Variants in DAG1 observed in about 807,000 individuals in gnomAD.
DAG1 encodes dystroglycan 1, also known as dystroglycan 1 (dystrophin-associated glycoprotein 1).
DAG1 carries 8 observed loss-of-function variants against 46.1 expected under a neutral mutation model. That is an observed-to-expected ratio of 0.17 (90% CI 0.10 to 0.31). DAG1 has a LOEUF of 0.31. Ranked by LOEUF, DAG1 falls within the 10% of genes least tolerant of loss-of-function variation. DAG1 has a pLI of 1.00. For missense variants in DAG1, 1,003 were observed against 1,189.9 expected, an observed-to-expected ratio of 0.84 and a Z score of 2.31; for synonymous variants, 495 against 481.8, an observed-to-expected ratio of 1.03 and a Z score of -0.36.
chr3:49,510,881 G>A, intron 2 of DAG1, 62 bp downstream of exon 2: 1 of 1,589,846 alleles, frequency 6.3e-7, no homozygotes, highest in South Asian at 1.1e-5. Context: ...AGTTTTGGTG[G>A]CTTTTCCTTT....
intron 2 of DAG1, among the ~76,000 whole-genome samples, chr3:49,513,637 G>A (rs748563727): frequency 6.6e-6 from 1 of 152,044 alleles, no homozygotes; most frequent in South Asian, 2.1e-4. Context: ...TTTTTAAGCC[G>A]TGGCTTGTTC....
chr3:49,504,374 A>G (rs2050539283), intron 1 of DAG1, among the ~76,000 whole-genome samples: 1 of 151,892 alleles, frequency 6.6e-6, no homozygotes, highest in Non-Finnish European at 1.5e-5. Context: ...GTATGCATGT[A>G]CCATAGTTTG....
rs763653277 is a variant in DAG1 at position 49,531,952 on chromosome 3, C to T, written c.1441C>T (p.Arg481Cys). The part of the protein sequence containing the change: ...LETASPPTRI[R>C]TTTSGVPRGG... ...AACTGCCTCACCGCCTACTCGTATT[C>T]GCACCACCACCAGTGGAGTGCCCCG... Residue 481 changes from arginine (R) to cysteine (C), a missense_variant, in exon 3 of 3, where the codon CGC (arginine) becomes TGC (cysteine). Transcript: ENST00000308775. This position sits in a 1 kb window ranked among gnomAD's most constrained non-coding sequence, Gnocchi z 7.0. The T allele has an allele frequency of 1.3e-5, 21 of 1,614,104 alleles. No individual in the cohort carries two copies. The highest frequency in any genetic ancestry group is 1.7e-5 in the Admixed American group (1 of 60,010).
intron 2 of DAG1, among the ~76,000 whole-genome samples, chr3:49,525,713 C>G (rs1169584124): frequency 6.6e-6 from 1 of 151,900 alleles, no homozygotes. Flanking sequence ...CGCCCGCCAC[C>G]TCGCCCCGCT....
chr3:49,489,329 T>G (rs2050121934), intron 1 of DAG1, among the ~76,000 whole-genome samples: 1 of 152,070 alleles, frequency 6.6e-6, no homozygotes, highest in Non-Finnish European at 1.5e-5. Flanking sequence ...CGACCTCAGG[T>G]GATCTGCCCA....
intron 1 of DAG1, among the ~76,000 whole-genome samples, chr3:49,509,007 A>G (rs536380131): frequency 5.8e-4 from 88 of 152,334 alleles, no homozygotes; most frequent in African/African-American, 2.0e-3. Flanking sequence ...ATGATTCCCT[A>G]TAGAGTCTTA....
Position 49,534,952 on chromosome 3 carries a change from G to C in DAG1, c.*1753G>C, listed in dbSNP as rs1275543655. 6.5e-6 allele frequency: 1 copy of C among 152,726 alleles called. No individual in the cohort carries two copies. The highest frequency in any genetic ancestry group is 1.5e-5 in the Non-Finnish European group (1 of 68,224). The allele number at this position is 152,726 out of a possible 1,614,324, so 9.5% of individuals were successfully genotyped here. A position where few individuals can be genotyped will look rare whatever the true frequency, so the allele number is the denominator to read the frequency against. ...AGGATTTGTGTGTGCTGCCTCAGGA[G>C]GGGAGGGCTGGTAGGAGGGGGGGAG... is the stretch of plus-strand genomic sequence containing the variant. On this transcript the variant is annotated 3_prime_UTR_variant, in exon 3 of 3. Coordinates refer to ENST00000308775, the MANE Select transcript of DAG1 (RefSeq NM_004393.6).
Position 49,531,793 on chromosome 3 carries a change from C to T in DAG1, c.1282C>T (p.Arg428Ter). The T allele has an allele frequency of 1.2e-6, 2 of 1,613,984 alleles. No individual in the cohort carries two copies. The highest frequency in any genetic ancestry group is 1.7e-6 in the Non-Finnish European group (2 of 1,180,008). ...TPPTTTTKKP[R>*]VSTPKPATPS... ...TCCCACAACCACCACCAAGAAGCCA[C>T]GAGTATCCACACCAAAACCAGCAAC... The change falls in exon 3 of 3, where the codon CGA (arginine) becomes TGA (stop). Residue 428 changes from arginine (R) to a stop codon, truncating the protein, a stop_gained. Coordinates refer to ENST00000308775, the MANE Select transcript of DAG1 (RefSeq NM_004393.6). LOFTEE classifies it high-confidence loss of function. This position sits in a 1 kb window ranked among gnomAD's most constrained non-coding sequence, Gnocchi z 7.0.
chr3:49,470,285 G>A lies in DAG1; in HGVS notation c.-265G>A, dbSNP rs1489415018. ...CCCTCTCACCGCCCGGTACGTGCTC[G>A]CGCGAAGGCTGCGGCGCGGCGCTCG... is the stretch of plus-strand genomic sequence containing the variant. On this transcript the variant is annotated 5_prime_UTR_variant, in exon 1 of 3. Coordinates refer to ENST00000308775, the MANE Select transcript of DAG1 (RefSeq NM_004393.6). 6.6e-6 allele frequency: 1 copy of A among 151,960 alleles called. No homozygotes were observed. The highest frequency in any genetic ancestry group is 1.5e-5 in the Non-Finnish European group (1 of 67,996). 9.4% of individuals were successfully genotyped at this position (151,960 alleles called of 1,614,324 possible).
chr3:49,474,516 T>C (rs976030660), intron 1 of DAG1, among the ~76,000 whole-genome samples: 5 of 152,104 alleles, frequency 3.3e-5, no homozygotes, highest in African/African-American at 1.2e-4. Flanking sequence ...TGGCTAATTT[T>C]TGTATTTTTA....
chr3:49,501,437 A>G (rs971232357), intron 1 of DAG1, among the ~76,000 whole-genome samples: 4 of 152,172 alleles, frequency 2.6e-5, no homozygotes, highest in Admixed American at 6.5e-5. Flanking sequence ...CATATTAGTG[A>G]TTGCAACAGA....
At chr3:49,513,728 C>T (rs1482429835) in intron 2 of DAG1, among the ~76,000 whole-genome samples, 1 of 152,212 alleles carries the variant, frequency 6.6e-6, no homozygotes, top group Non-Finnish European at 1.5e-5. Context: ...TAGCAGTTCA[C>T]AGAGCTCTTC....
chr3:49,504,783 T>C (rs1306010496), intron 1 of DAG1, among the ~76,000 whole-genome samples: 3 of 142,694 alleles, frequency 2.1e-5, no homozygotes, highest in African/African-American at 7.7e-5. Flanking sequence ...TTTTTTTTTT[T>C]TGTATTTTTA....
chr3:49,483,438 A>G (rs572871150), intron 1 of DAG1, among the ~76,000 whole-genome samples: 7 of 152,156 alleles, frequency 4.6e-5, no homozygotes, highest in African/African-American at 1.7e-4. Context: ...CTGCGACCTC[A>G]GATGATCTGC....
chr3:49,475,229 C>T (rs113893318), intron 1 of DAG1, among the ~76,000 whole-genome samples: 4,391 of 151,820 alleles, frequency 0.029, 104 homozygotes, highest in Non-Finnish European at 0.041. Flanking sequence ...CTCAGCCTCC[C>T]GAGTAGCTGG....
At chr3:49,525,194 C>G (rs3912831) in intron 2 of DAG1, among the ~76,000 whole-genome samples, 148,505 of 152,132 alleles carry the variant, frequency 0.98, 72,596 homozygotes, top group Middle Eastern at 1. Flanking sequence ...ACCCATGATC[C>G]TGGAGTGACT....
intron 1 of DAG1, among the ~76,000 whole-genome samples, chr3:49,485,254 C>T (rs934767657): frequency 1.3e-5 from 2 of 151,506 alleles, no homozygotes; most frequent in African/African-American, 4.9e-5. Context: ...GGATTACAGG[C>T]GTGAGCCACC....
At chr3:49,494,761 A>C (rs949538823) in intron 1 of DAG1, among the ~76,000 whole-genome samples, 1 of 149,990 alleles carries the variant, frequency 6.7e-6, no homozygotes, top group Non-Finnish European at 1.5e-5. Flanking sequence ...CAGCTTCCCG[A>C]GTAGCTGGGA....
At chr3:49,480,561 G>A (rs1447038847) in intron 1 of DAG1, among the ~76,000 whole-genome samples, 2 of 148,088 alleles carry the variant, frequency 1.4e-5, no homozygotes, top group African/African-American at 4.8e-5. Context: ...CCAAAGAGCT[G>A]GGATTACAGG....
Sources: allele counts gnomAD v4.1 joint callset (sites outside exome capture counted in the v4.1 genomes callset), GRCh38; gene constraint gnomAD v4.1.1; non-coding constraint Gnocchi (gnomAD v3.1); transcripts MANE v1.5; gene names NCBI Gene and HGNC (gene_info 2026-07-23, HGNC 2026-07-21).